Variants in UBE2L6 observed in about 807,000 individuals in gnomAD.
The protein encoded by UBE2L6 is ubiquitin conjugating enzyme E2 L6.
UBE2L6 carries 11 observed loss-of-function variants against 13.6 expected under a neutral mutation model. That is an observed-to-expected ratio of 0.81 (90% CI 0.51 to 1.34). The LOEUF is 1.34. UBE2L6 is among the 40% of genes most tolerant of loss of function. The pLI, the probability that UBE2L6 is intolerant of heterozygous loss-of-function variation, is 0.00. For missense variants in UBE2L6, 197 were observed against 199.5 expected (o/e 0.99, Z 0.07); for synonymous variants, 74 against 83.2 (o/e 0.89, Z 0.60).
chr11:57,560,770 G>A (rs967663010), intron 1 of UBE2L6, among the ~76,000 whole-genome samples: 11 of 151,856 alleles, frequency 7.2e-5, no homozygotes, highest in Non-Finnish European at 1.2e-4. Context: ...ACAGACGCCC[G>A]CCACCACGCC....
chr11:57,562,463 C>T (rs984795236), intron 1 of UBE2L6, among the ~76,000 whole-genome samples: 3 of 152,236 alleles, frequency 2.0e-5, no homozygotes, highest in African/African-American at 7.2e-5. Flanking sequence ...TTGCAGAGCC[C>T]TAGGGCCTTG....
chr11:57,558,169 C>G (rs573712734), intron 2 of UBE2L6, among the ~76,000 whole-genome samples: 2 of 152,168 alleles, frequency 1.3e-5, no homozygotes, highest in Admixed American at 1.3e-4. Flanking sequence ...ACCTCCAACT[C>G]CCGGGTTCAA....
chr11:57,567,780 G>A (rs1378500541), upstream of UBE2L6: 2 of 733,940 alleles, frequency 2.7e-6, no homozygotes, highest in Non-Finnish European at 4.0e-6. Flanking sequence ...GAGGCCAGGA[G>A]GCCGTCGAAG....
At chr11:57,561,509 G>T (rs1026416125) in intron 1 of UBE2L6, among the ~76,000 whole-genome samples, 4 of 152,154 alleles carry the variant, frequency 2.6e-5, no homozygotes, top group Admixed American at 2.0e-4. Context: ...GAGAAGGAAG[G>T]TTTCACAGAG....
chr11:57,552,187 A>G lies in UBE2L6; in HGVS notation c.*171T>C. 1.1e-6 allele frequency: 1 copy of G among 928,548 alleles called. No individual in the cohort carries two copies. Among genetic ancestry groups the G allele is most frequent in the Non-Finnish European group, 1.6e-6 (1 of 612,410 alleles). 57.5% of individuals were successfully genotyped at this position (928,548 alleles called of 1,614,324 possible). ...CTGGGAGTGAGTCCATACACAACAC[A>G]CACACTCATAGCTCCCTTCCCTCCA... On this transcript the variant is annotated 3_prime_UTR_variant, in exon 4 of 4. Transcript: ENST00000287156.
At chr11:57,567,498 T>G (rs1251115577) in intron 1 of UBE2L6, 87 bp downstream of exon 1, 11 of 1,551,650 alleles carry the variant, frequency 7.1e-6, no homozygotes, top group Non-Finnish European at 9.6e-6. Context: ...ATAAATGTGC[T>G]CGGAGAGCCG....
chr11:57,567,678 G>GCCC, upstream of UBE2L6: 4 of 1,519,334 alleles, frequency 2.6e-6, no homozygotes, highest in East Asian at 2.4e-5. Flanking sequence ...GACACAGCGC[G>GCCC]CCCCGCCCCG....
Position 57,552,557 on chromosome 11 carries a change from G to A in UBE2L6, c.311-48C>T, listed in dbSNP as rs1240960869. 4 of 1,608,732 alleles carry A rather than the reference G, an allele frequency of 2.5e-6. No homozygotes were observed. In the East Asian group the frequency reaches 6.7e-5, roughly 27 times the overall value. ...AGGATATCAGGGCAGAGGGAAGGGA[G>A]TCATGGCTGCCCGTTCCCAATGTCC... On this transcript the variant is annotated intron_variant, in intron 3 of 3. Transcript: ENST00000287156.
Position 57,567,580 on chromosome 11 carries a change from G to A in UBE2L6, c.27+5C>T, listed in dbSNP as rs1256412642. Reference sequence around the variant, plus strand: ...AGAGAAAGGGGTCATCCTATACGCGGTTACCTTCACCACTCGCATGCTCGC... The same window carrying A: ...AGAGAAAGGGGTCATCCTATACGCGATTACCTTCACCACTCGCATGCTCGC... On this transcript the variant is annotated splice_donor_5th_base_variant and intron_variant, in intron 1 of 3. Transcript: ENST00000287156. 1.9e-6 allele frequency: 3 copies of A among 1,607,522 alleles called. No individual in the cohort carries two copies. Among genetic ancestry groups the A allele is most frequent in the Middle Eastern group, 3.3e-4 (2 of 6,044 alleles).
Position 57,553,451 on chromosome 11 carries a change from G to A in UBE2L6, c.311-942C>T, listed in dbSNP as rs543548996. On this transcript the variant is annotated intron_variant, in intron 3 of 3. Coordinates refer to ENST00000287156, the MANE Select transcript of UBE2L6 (RefSeq NM_004223.5). Reference sequence around the variant, plus strand: ...GGAGGTTGCAGTGAGCCAAGATTGCGCCACTGAACTAACTGCCTGGGCAAT... The same window carrying A: ...GGAGGTTGCAGTGAGCCAAGATTGCACCACTGAACTAACTGCCTGGGCAAT... 5.3e-5 allele frequency among the ~76,000 whole-genome samples: 8 copies of A among 152,302 alleles called. No individual in the cohort carries two copies. The East Asian group carries it at 9.6e-4, about 18-fold the overall frequency.
At chr11:57,553,627 G>A (rs1412771972) in intron 3 of UBE2L6, among the ~76,000 whole-genome samples, 2 of 152,286 alleles carry the variant, frequency 1.3e-5, no homozygotes, top group African/African-American at 2.4e-5. Flanking sequence ...TCAGGAGTTC[G>A]AGACCAGCCT....
upstream of UBE2L6, chr11:57,567,756 G>A: frequency 2.1e-6 from 2 of 958,918 alleles, no homozygotes; most frequent in Non-Finnish European, 2.9e-6. Flanking sequence ...GGGCCTCCCC[G>A]CACCCGCTCC....
intron 2 of UBE2L6, among the ~76,000 whole-genome samples, chr11:57,558,351 T>C (rs556034436): frequency 6.6e-6 from 1 of 152,302 alleles, no homozygotes; most frequent in East Asian, 1.9e-4. Flanking sequence ...AGTGCTGGGA[T>C]TACAGGTGTA....
Position 57,552,444 on chromosome 11 carries a change from C to T in UBE2L6, c.376G>A (p.Ala126Thr), listed in dbSNP as rs781196789. The T allele has an allele frequency of 1.5e-5, 25 of 1,614,042 alleles. No individual in the cohort carries two copies. The highest frequency in any genetic ancestry group is 3.3e-5 in the Admixed American group (2 of 59,994). ...TCCGGATTCTGTGTCAGCAGGTCAG[C>T]GAGGTCCATCCGCAGGGGCTCCCTG... is the stretch of plus-strand genomic sequence containing the variant. Reference protein sequence around the residue: ...NIREPLRMDLADLLTQNPELF... With the variant: ...NIREPLRMDLTDLLTQNPELF... Residue 126 changes from alanine (A) to threonine (T), a missense_variant, in exon 4 of 4, where the codon GCT (alanine) becomes ACT (threonine). Physicochemically the swap from Ala to Thr is moderately conservative, Grantham distance 58. Coordinates refer to ENST00000287156, the MANE Select transcript of UBE2L6 (RefSeq NM_004223.5).
At chr11:57,555,862 G>A (rs1175177883) in intron 2 of UBE2L6, among the ~76,000 whole-genome samples, 1 of 152,174 alleles carries the variant, frequency 6.6e-6, no homozygotes, top group East Asian at 1.9e-4. Flanking sequence ...GAGCCACCAT[G>A]CCCAGCTGTA....
At chr11:57,560,275 C>A in intron 2 of UBE2L6, 62 bp downstream of exon 2, 1 of 1,382,218 alleles carries the variant, frequency 7.2e-7, no homozygotes, top group South Asian at 1.2e-5. Flanking sequence ...CTAACCCTCC[C>A]TGCCCATGTC....
In UBE2L6 at chr11:57,560,450, G is replaced by C. The variant is rs1302847504; in HGVS notation, c.28-18C>G. The C allele has an allele frequency of 6.3e-7, 1 of 1,591,098 alleles. No homozygotes were observed. Among genetic ancestry groups the C allele is most frequent in the Non-Finnish European group, 8.6e-7 (1 of 1,160,534 alleles). On this transcript the variant is annotated intron_variant, in intron 1 of 3. Transcript: ENST00000287156. The stretch of plus-strand genomic sequence containing the variant: ...TCCAGCTCCTGCAGGGGACACAAGT[G>C]AGTGGGCAGTTGGCCTAGTCCTCCT...
At chr11:57,561,929 C>A (rs4938871) in intron 1 of UBE2L6, among the ~76,000 whole-genome samples, 36,468 of 152,110 alleles carry the variant, frequency 0.24, 4,697 homozygotes, top group African/African-American at 0.31. Flanking sequence ...TTGGTACAAA[C>A]CAGTGGTTCT....
chr11:57,554,406 A>G (rs774877517), intron 3 of UBE2L6, 31 bp downstream of exon 3: 4 of 1,609,384 alleles, frequency 2.5e-6, no homozygotes, highest in Non-Finnish European at 3.4e-6. Flanking sequence ...ACCCAGTATC[A>G]GTCCCTCCTC....
Sources: gnomAD v4.1 joint callset for allele counts (sites outside exome capture counted in the v4.1 genomes callset) on GRCh38, gnomAD v4.1.1 for gene constraint, MANE v1.5 for transcripts, NCBI Gene and HGNC (gene_info 2026-07-23, HGNC 2026-07-21) for gene names.